TSPEAR: variants seen among roughly 807,000 people sequenced by gnomAD.
TSPEAR encodes thrombospondin type laminin G domain and EAR repeats, also known as thrombospondin-type laminin G domain and EAR repeat-containing protein.
A neutral mutation model predicts 71.6 loss-of-function variants in TSPEAR; 69 were observed. The ratio of observed to expected loss-of-function variants is 0.96; its 90% CI spans 0.79 to 1.18. The LOEUF (loss-of-function observed/expected upper bound fraction) is 1.18. Among genes scored for constraint, TSPEAR ranks in the 50% most tolerant of loss-of-function variants. TSPEAR has a pLI of 0.00. For synonymous variants in TSPEAR, 402 were observed against 387.2 expected, an observed-to-expected ratio of 1.04 and a Z score of -0.45; for missense variants, 971 against 894.9, an observed-to-expected ratio of 1.09 and a Z score of -1.09.
chr21:44,593,989 A>G lies in TSPEAR; in HGVS notation c.83-25984T>C, dbSNP rs371475233. Among the ~76,000 whole-genome samples the G allele has an allele frequency of 4.6e-5, 7 of 152,332 alleles. No individual in the cohort carries two copies. Among genetic ancestry groups the G allele is most frequent in the Admixed American group, 1.3e-4 (2 of 15,306 alleles). On this transcript the variant is annotated intron_variant, in intron 1 of 11. Transcript: ENST00000323084. This position sits in a 1 kb window ranked among gnomAD's most constrained non-coding sequence, Gnocchi z 5.9. ...ACCATGGACTGGCTCCAGCCGGTTT[A>G]CAGAGGCTGTGCACTGGAGTGCCTT...
intron 1 of TSPEAR, among the ~76,000 whole-genome samples, chr21:44,661,806 A>G (rs1985510460): frequency 6.6e-6 from 1 of 152,140 alleles, no homozygotes; most frequent in South Asian, 2.1e-4. Context: ...TTAAACAACC[A>G]GGTCTCCCAA....
intron 2 of TSPEAR, among the ~76,000 whole-genome samples, chr21:44,538,126 T>G (rs1291608662): frequency 1.3e-5 from 2 of 152,150 alleles, no homozygotes; most frequent in African/African-American, 4.8e-5. Context: ...GACTGCAGCA[T>G]CCCAGGGGCG....
chr21:44,678,281 A>C (rs1555947359), intron 1 of TSPEAR, among the ~76,000 whole-genome samples: 9 of 151,968 alleles, frequency 5.9e-5, no homozygotes, highest in Admixed American at 4.6e-4. Context: ...TGATTTGATC[A>C]TGAGGGCCAT....
intron 1 of TSPEAR, among the ~76,000 whole-genome samples, chr21:44,586,652 A>G (rs1979358934): frequency 6.8e-6 from 1 of 146,416 alleles, no homozygotes; most frequent in South Asian, 2.3e-4. Context: ...TCAGGCACCT[A>G]CTCATCTACT....
chr21:44,507,321 C>T (rs1421398216), intron 10 of TSPEAR, among the ~76,000 whole-genome samples: 1 of 152,186 alleles, frequency 6.6e-6, no homozygotes, highest in African/African-American at 2.4e-5. Flanking sequence ...AAAGCAAACA[C>T]AAGCGACCAT....
intron 1 of TSPEAR, among the ~76,000 whole-genome samples, chr21:44,660,696 G>C (rs955220330): frequency 2.6e-5 from 4 of 152,206 alleles, no homozygotes; most frequent in African/African-American, 9.6e-5. Context: ...GCTGGGTGCC[G>C]TGATTCATGT....
chr21:44,567,898 C>T lies in TSPEAR; in HGVS notation c.190G>A (p.Ala64Thr). Residue 64 changes from alanine (A) to threonine (T), a missense_variant, in exon 2 of 12, where the codon GCC becomes ACC. Transcript: ENST00000323084. ...GGGAAGCTCATGGTGCGGGGGGCGG[C>T]TACTGAGAGCTGGAGTCCCCGTGCA... ...HGARGLQLSV[A>T]APRTMSFPAS... The T allele has an allele frequency of 6.2e-7, 1 of 1,608,344 alleles. No homozygotes were observed. The highest frequency in any genetic ancestry group is 8.5e-7 in the Non-Finnish European group (1 of 1,176,464).
chr21:44,624,687 T>C lies in TSPEAR; in HGVS notation c.83-56682A>G, dbSNP rs1047136287. 5.3e-5 allele frequency among the ~76,000 whole-genome samples: 8 copies of C among 152,238 alleles called. No homozygotes were observed. In the South Asian group the frequency reaches 1.7e-3, roughly 32 times the overall value. Reference sequence around the variant, plus strand: ...TCCAACTGACAGTCTGTTGTTGTTGTTGTTTTACCAGAATCCCTCCTCCTT... The same window carrying C: ...TCCAACTGACAGTCTGTTGTTGTTGCTGTTTTACCAGAATCCCTCCTCCTT... On this transcript the variant is annotated intron_variant, in intron 1 of 11. Coordinates refer to ENST00000323084, the MANE Select transcript of TSPEAR (RefSeq NM_144991.3).
chr21:44,684,241 G>C (rs1322787146), intron 1 of TSPEAR, among the ~76,000 whole-genome samples: 1 of 152,202 alleles, frequency 6.6e-6, no homozygotes, highest in Non-Finnish European at 1.5e-5. Flanking sequence ...CTTAAAGACT[G>C]AGACTGAGGC....
intron 1 of TSPEAR, among the ~76,000 whole-genome samples, chr21:44,581,176 C>T (rs1215987504): frequency 2.0e-5 from 3 of 152,184 alleles, no homozygotes; most frequent in Non-Finnish European, 4.4e-5. Flanking sequence ...CTTGTCTCTT[C>T]AGCTCTTCCA....
At chr21:44,628,105 T>G in intron 1 of TSPEAR, 1 of 1,569,130 alleles carries the variant, frequency 6.4e-7, no homozygotes, top group Non-Finnish European at 8.7e-7. Context: ...TGCCAGTCCT[T>G]GGACCTCCCA....
At chr21:44,515,755 G>C (rs1197722981) in intron 9 of TSPEAR, 1 of 152,158 alleles carries the variant, frequency 6.6e-6, no homozygotes, top group Non-Finnish European at 1.5e-5. Flanking sequence ...CGTGTTTTTC[G>C]GTAACCACGT....
chr21:44,539,969 G>T lies in TSPEAR; in HGVS notation c.304-6046C>A, dbSNP rs781839033. 4 of 1,613,274 alleles carry T rather than the reference G, an allele frequency of 2.5e-6. No individual in the cohort carries two copies. In the African/African-American group the frequency reaches 4.0e-5, roughly 16 times the overall value. ...TGATTGGCAGGGGCTGGGCTCACAG[G>T]CTGCCTGGCAGCAGGGGCTGGACAC... On this transcript the variant is annotated intron_variant, in intron 2 of 11. Transcript: ENST00000323084.
chr21:44,576,811 A>G (rs1978488959), intron 1 of TSPEAR, among the ~76,000 whole-genome samples: 1 of 152,234 alleles, frequency 6.6e-6, no homozygotes, highest in African/African-American at 2.4e-5. Context: ...TATTTATACA[A>G]AATCCCATCC....
intron 10 of TSPEAR, chr21:44,508,775 G>A: frequency 7.7e-7 from 1 of 1,294,858 alleles, no homozygotes; most frequent in East Asian, 5.5e-5. Context: ...TGCAACATCG[G>A]GGGAAGGAAG....
chr21:44,583,176 C>G (rs781973982), intron 1 of TSPEAR, among the ~76,000 whole-genome samples: 2 of 15,542 alleles, frequency 1.3e-4, no homozygotes, highest in Non-Finnish European at 5.6e-4. Flanking sequence ...AGCAGACACT[C>G]TGGGGATCTG....
chr21:44,699,896 C>G (rs550760642), intron 1 of TSPEAR, among the ~76,000 whole-genome samples: 6 of 152,318 alleles, frequency 3.9e-5, no homozygotes, highest in African/African-American at 1.4e-4. Context: ...GCTGGGGCAG[C>G]TGGACTCCAC....
At chr21:44,590,724 T>G (rs1159907052) in intron 1 of TSPEAR, among the ~76,000 whole-genome samples, 1 of 152,014 alleles carries the variant, frequency 6.6e-6, no homozygotes, top group Non-Finnish European at 1.5e-5. Context: ...ACCCCAGTCC[T>G]GGGGGGCAGC....
intron 1 of TSPEAR, among the ~76,000 whole-genome samples, chr21:44,706,324 C>T (rs1987913104): frequency 1.3e-5 from 2 of 152,188 alleles, no homozygotes; most frequent in African/African-American, 2.4e-5. Context: ...CACACGCACA[C>T]ACCCACGTGC....
Sources: allele counts gnomAD v4.1 joint callset (sites outside exome capture counted in the v4.1 genomes callset), GRCh38; gene constraint gnomAD v4.1.1; non-coding constraint Gnocchi (gnomAD v3.1); transcripts MANE v1.5; gene names NCBI Gene and HGNC (gene_info 2026-07-23, HGNC 2026-07-21).